Variants in PTK2 observed in about 807,000 individuals in gnomAD.
The protein encoded by PTK2 is focal adhesion kinase 1.
In PTK2, 45 loss-of-function variants were observed where a neutral mutation model predicts 150.1. The observed-to-expected ratio is 0.30, with a 90% CI of 0.24 to 0.38. The LOEUF is 0.38. Among genes scored for constraint, PTK2 ranks in the 10% least tolerant of loss-of-function variants. PTK2 has a pLI of 1.00. For missense variants in PTK2, 919 were observed against 1,307.3 expected, an observed-to-expected ratio of 0.70 and a Z score of 4.58; for synonymous variants, 432 against 449.2, an observed-to-expected ratio of 0.96 and a Z score of 0.48.
intron 8 of PTK2, among the ~76,000 whole-genome samples, chr8:140,829,701 C>T (rs1030096676): frequency 1.3e-5 from 2 of 152,082 alleles, no homozygotes; most frequent in Non-Finnish European, 2.9e-5. Flanking sequence ...TGCTATGTGA[C>T]AGGTACTGTG....
intron 1 of PTK2, among the ~76,000 whole-genome samples, chr8:140,988,600 G>GC: frequency 6.6e-6 from 1 of 152,040 alleles, no homozygotes; most frequent in South Asian, 2.1e-4. Context: ...ATGGTGGTGG[G>GC]CGCCCGTAGC....
rs2100069895 is a variant in PTK2 at position 140,762,404 on chromosome 8, G to A, written c.1235-1142C>T. On this transcript the variant is annotated intron_variant, in intron 15 of 31. Coordinates refer to ENST00000522684, the Ensembl canonical transcript of PTK2. Reference sequence around the variant, plus strand: ...CCATAGCTTTCTGTATTGCAATTAAGAGAGAAAAAAATTGAAGACCTTGCT... The same window carrying A: ...CCATAGCTTTCTGTATTGCAATTAAAAGAGAAAAAAATTGAAGACCTTGCT... 4 of 1,136,758 alleles carry A rather than the reference G, an allele frequency of 3.5e-6. No individual in the cohort carries two copies. Among genetic ancestry groups the A allele is most frequent in the Admixed American group, 4.4e-5 (1 of 22,862 alleles). The allele number at this position is 1,136,758 out of a possible 1,614,324, so 70.4% of individuals were successfully genotyped here. A position where few individuals can be genotyped will look rare whatever the true frequency, so the allele number is the denominator to read the frequency against.
chr8:140,971,685 T>C (rs1332666943), intron 1 of PTK2, among the ~76,000 whole-genome samples: 1 of 152,236 alleles, frequency 6.6e-6, no homozygotes, highest in African/African-American at 2.4e-5. Context: ...CAGCTAACAT[T>C]TGAATCACAA....
At chr8:140,720,867 C>T (rs1028417812) in intron 22 of PTK2, among the ~76,000 whole-genome samples, 3 of 152,196 alleles carry the variant, frequency 2.0e-5, no homozygotes, top group Admixed American at 2.0e-4. Flanking sequence ...GATTCTCCTG[C>T]CTCAGCCTCC....
intron 1 of PTK2, among the ~76,000 whole-genome samples, chr8:140,971,097 G>A (rs891111786): frequency 6.6e-6 from 1 of 152,052 alleles, no homozygotes; most frequent in African/African-American, 2.4e-5. Flanking sequence ...TAAAAAATTA[G>A]TCTCTAAGAA....
chr8:140,867,765 T>C (rs1281432980), intron 4 of PTK2, among the ~76,000 whole-genome samples: 1 of 152,202 alleles, frequency 6.6e-6, no homozygotes, highest in East Asian at 1.9e-4. Context: ...AAAAGAACTT[T>C]GTTCCCTGCT....
chr8:140,861,200 T>G (rs1392819966), intron 5 of PTK2, among the ~76,000 whole-genome samples: 1 of 151,910 alleles, frequency 6.6e-6, no homozygotes, highest in Non-Finnish European at 1.5e-5. Context: ...TTTTTAAAAA[T>G]TAGCGAGGCA....
intron 1 of PTK2, among the ~76,000 whole-genome samples, chr8:140,932,770 G>A (rs2100172314): frequency 6.6e-6 from 1 of 152,092 alleles, no homozygotes; most frequent in Non-Finnish European, 1.5e-5. Context: ...AACAGCAGCA[G>A]AGACTAAAAT....
chr8:140,752,120 C>A, intron 17 of PTK2, 112 bp downstream of exon 20: 2 of 902,966 alleles, frequency 2.2e-6, no homozygotes, highest in Non-Finnish European at 3.5e-6. Flanking sequence ...AAATAATAAA[C>A]ATAGTTGTCT....
At chr8:140,857,148 T>G (rs2100133178) in intron 5 of PTK2, among the ~76,000 whole-genome samples, 1 of 152,208 alleles carries the variant, frequency 6.6e-6, no homozygotes, top group African/African-American at 2.4e-5. Flanking sequence ...GACGCCAGTT[T>G]AAGTCTCCAC....
At chr8:140,871,989 A>G (rs2100142805) in intron 4 of PTK2, among the ~76,000 whole-genome samples, 2 of 152,222 alleles carry the variant, frequency 1.3e-5, no homozygotes, top group South Asian at 4.2e-4. Context: ...TGGGCAGATC[A>G]TGAGGTCAGG....
intron 22 of PTK2, among the ~76,000 whole-genome samples, chr8:140,734,122 G>A (rs1366205957): frequency 1.3e-5 from 2 of 152,204 alleles, no homozygotes; most frequent in East Asian, 1.9e-4. Context: ...GCTTGAACAT[G>A]TGGTGAGAAG....
chr8:140,783,799 AAAC>A (rs890704082), intron 14 of PTK2, among the ~76,000 whole-genome samples: 1 of 152,254 alleles, frequency 6.6e-6, no homozygotes, highest in African/African-American at 2.4e-5. Flanking sequence ...GTTGCATGAT[AAAC>A]AACTGAACCA....
chr8:140,823,978 G>A (rs2100110410), intron 8 of PTK2, among the ~76,000 whole-genome samples: 1 of 152,084 alleles, frequency 6.6e-6, no homozygotes, highest in South Asian at 2.1e-4. Context: ...GTTTCTCTTG[G>A]CCTCTTATTT....
At chr8:140,954,225 C>T (rs1379935018) in intron 1 of PTK2, among the ~76,000 whole-genome samples, 1 of 152,168 alleles carries the variant, frequency 6.6e-6, no homozygotes, top group Non-Finnish European at 1.5e-5. Context: ...AGTGATCTGC[C>T]TGCCTCAACC....
chr8:140,779,306 T>C (rs1183793850), intron 14 of PTK2, among the ~76,000 whole-genome samples: 5 of 146,692 alleles, frequency 3.4e-5, no homozygotes, highest in Non-Finnish European at 7.5e-5. Context: ...CTACCATGAA[T>C]ATTGAAATCC....
chr8:140,928,453 TG>T (rs1240385436), intron 1 of PTK2, among the ~76,000 whole-genome samples: 2 of 152,186 alleles, frequency 1.3e-5, no homozygotes, highest in Non-Finnish European at 2.9e-5. Context: ...ATCCCACTTC[TG>T]GGTATAAACC....
intron 5 of PTK2, among the ~76,000 whole-genome samples, chr8:140,852,342 G>A (rs1220514348): frequency 6.6e-6 from 1 of 152,028 alleles, no homozygotes; most frequent in South Asian, 2.1e-4. Flanking sequence ...AAAGCAACAG[G>A]GATTTTCTTT....
chr8:140,755,919 C>G (rs536482039), intron 16 of PTK2, among the ~76,000 whole-genome samples: 1 of 152,142 alleles, frequency 6.6e-6, no homozygotes, highest in Non-Finnish European at 1.5e-5. Context: ...AGAACATGTT[C>G]TAGAAAAAGG....
Sources: gnomAD v4.1 joint callset for allele counts (sites outside exome capture counted in the v4.1 genomes callset) on GRCh38, gnomAD v4.1.1 for gene constraint, MANE v1.5 for transcripts, NCBI Gene and HGNC (gene_info 2026-07-23, HGNC 2026-07-21) for gene names.